SNX18: variants seen among roughly 807,000 people sequenced by gnomAD.
The protein encoded by SNX18 is sorting nexin-18.
A neutral mutation model predicts 48.7 loss-of-function variants in SNX18; 35 were observed. The observed-to-expected ratio is 0.72, with a 90% CI of 0.55 to 0.95. The LOEUF (loss-of-function observed/expected upper bound fraction) is 0.95, where lower values mean the gene tolerates loss of function less well. Among genes scored for constraint, SNX18 ranks in the 40% least tolerant of loss-of-function variants. The probability of loss-of-function intolerance (pLI) is 0.00; values close to 1 mark genes in which losing one functional copy is unlikely to be tolerated. For missense variants in SNX18, 824 were observed against 871.0 expected (o/e 0.95, Z 0.68); for synonymous variants, 492 against 384.7 (o/e 1.28, Z -3.26).
chr5:54,621,081 A>T, the SNX18 span, among the ~76,000 whole-genome samples: 1 of 152,208 alleles, frequency 6.6e-6, no homozygotes, highest in East Asian at 1.9e-4. Context: ...AGTATGAATT[A>T]GAGTAGCCCA....
chr5:54,557,593 A>G, the SNX18 span, among the ~76,000 whole-genome samples: 1 of 152,204 alleles, frequency 6.6e-6, no homozygotes, highest in Non-Finnish European at 1.5e-5. Context: ...GACAGAAAAT[A>G]TAATGGTGGT....
chr5:54,611,878 C>CT, the SNX18 span, among the ~76,000 whole-genome samples: 56,338 of 146,272 alleles, frequency 0.39, 11,106 homozygotes, highest in East Asian at 0.48. Context: ...TCTTCTTCTT[C>CT]TTCTTTTTTT....
the SNX18 span, among the ~76,000 whole-genome samples, chr5:54,587,974 A>G: frequency 0.47 from 71,258 of 151,974 alleles, 17,392 homozygotes; most frequent in East Asian, 0.62. Context: ...TGTCCATGAG[A>G]GGAAGGTGTA....
At chr5:54,590,057 C>T in the SNX18 span, among the ~76,000 whole-genome samples, 1 of 152,230 alleles carries the variant, frequency 6.6e-6, no homozygotes, top group African/African-American at 2.4e-5. Context: ...TCCCACAGTG[C>T]TGGTATTATA....
At chr5:54,635,099 A>G in the SNX18 span, among the ~76,000 whole-genome samples, 1 of 151,840 alleles carries the variant, frequency 6.6e-6, no homozygotes, top group South Asian at 2.1e-4. Context: ...ACATATTTCA[A>G]AATGTGTTTA....
the SNX18 span, among the ~76,000 whole-genome samples, chr5:54,623,394 G>T: frequency 1.3e-5 from 2 of 152,056 alleles, no homozygotes; most frequent in African/African-American, 4.8e-5. Context: ...GAGCTCAATG[G>T]CAGGAGGCAG....
the SNX18 span, among the ~76,000 whole-genome samples, chr5:54,642,857 T>G: frequency 5.9e-5 from 9 of 152,184 alleles, no homozygotes; most frequent in Non-Finnish European, 1.3e-4. Context: ...CAGCTCAACA[T>G]ACATATTTAA....
chr5:54,595,857 T>G, the SNX18 span, among the ~76,000 whole-genome samples: 5 of 152,236 alleles, frequency 3.3e-5, no homozygotes, highest in East Asian at 9.6e-4. Flanking sequence ...TCCTTGCCTC[T>G]TCCAACTTCT....
chr5:54,633,473 A>G, the SNX18 span, among the ~76,000 whole-genome samples: 1 of 152,206 alleles, frequency 6.6e-6, no homozygotes, highest in South Asian at 2.1e-4. Flanking sequence ...GGTTAAACAT[A>G]GGACCCCACA....
rs1762565014 is a variant in SNX18, at chr5:54,545,618, A to G, written c.*2186A>G. On this transcript the variant is annotated 3_prime_UTR_variant, in exon 2 of 2. Transcript: ENST00000381410. ...TCTAAGAGAAATTTCATTCTTCATAACCACATAACATTATAATGCCACTGA... is the reference window on the plus strand; with the variant it reads ...TCTAAGAGAAATTTCATTCTTCATAGCCACATAACATTATAATGCCACTGA... The G allele has an allele frequency of 6.6e-6, 1 of 152,212 alleles. No homozygotes were observed. The highest frequency in any genetic ancestry group is 1.5e-5 in the Non-Finnish European group (1 of 68,036). The allele number at this position is 152,212 out of a possible 1,614,324, so 9.4% of individuals were successfully genotyped here.
At chr5:54,596,449 G>A in the SNX18 span, among the ~76,000 whole-genome samples, 21,879 of 152,088 alleles carry the variant, frequency 0.14, 1,955 homozygotes, top group South Asian at 0.22. Context: ...TTCAGCATTC[G>A]CCTGCTTTGC....
At chr5:54,557,143 A>T in the SNX18 span, among the ~76,000 whole-genome samples, 3 of 152,244 alleles carry the variant, frequency 2.0e-5, no homozygotes, top group Non-Finnish European at 4.4e-5. Context: ...TTCATAAAAG[A>T]GTATTCTAAT....
chr5:54,519,866 C>T (rs1399043923), intron 1 of SNX18: 2 of 1,534,358 alleles, frequency 1.3e-6, no homozygotes, highest in East Asian at 2.3e-5. Flanking sequence ...TAATGAGCTG[C>T]TCAAATCTGT....
intron 1 of SNX18, among the ~76,000 whole-genome samples, chr5:54,522,390 G>C (rs1357890535): frequency 6.6e-6 from 1 of 152,182 alleles, no homozygotes; most frequent in African/African-American, 2.4e-5. Context: ...TTTTCCATCA[G>C]TGCTGAAAGT....
At chr5:54,620,766 G>T in the SNX18 span, among the ~76,000 whole-genome samples, 1 of 152,218 alleles carries the variant, frequency 6.6e-6, no homozygotes, top group African/African-American at 2.4e-5. Flanking sequence ...GGAAGTCCAA[G>T]ATCAAGGAGT....
At chr5:54,592,265 C>T in the SNX18 span, among the ~76,000 whole-genome samples, 1 of 152,098 alleles carries the variant, frequency 6.6e-6, no homozygotes, top group African/African-American at 2.4e-5. Context: ...CCAGAATCAA[C>T]CTTCCCTTCT....
chr5:54,588,306 C>CTTTATTTTTTTT, the SNX18 span, among the ~76,000 whole-genome samples: 1 of 73,910 alleles, frequency 1.4e-5, no homozygotes, highest in Non-Finnish European at 2.5e-5. Flanking sequence ...TATTTCTATT[C>CTTTATTTTTTTT]TTTTTTTTTT....
Position 54,536,221 on chromosome 5 carries a change from T to G in SNX18, c.1622-6958T>G, listed in dbSNP as rs189262123. On this transcript the variant is annotated intron_variant, in intron 1 of 1. Transcript: ENST00000381410. ...TCACTTTAAATAATTATTTTTCCTG[T>G]ACTTCAAATTCATTTTTTTTTTATT... Among the ~76,000 whole-genome samples, 347 of 152,196 alleles carry G rather than the reference T, an allele frequency of 2.3e-3. 2 individuals carry two copies. The highest frequency in any genetic ancestry group is 4.2e-3 in the Non-Finnish European group (286 of 67,998).
chr5:54,605,306 C>G, the SNX18 span, among the ~76,000 whole-genome samples: 2 of 152,050 alleles, frequency 1.3e-5, no homozygotes, highest in Non-Finnish European at 2.9e-5. Flanking sequence ...GGGAGGAAAG[C>G]TAGCAAAATT....
Sources: gnomAD v4.1 joint callset for allele counts (sites outside exome capture counted in the v4.1 genomes callset) on GRCh38, gnomAD v4.1.1 for gene constraint, MANE v1.5 for transcripts, NCBI Gene and HGNC (gene_info 2026-07-23, HGNC 2026-07-21) for gene names.